XKR4: variants seen among roughly 807,000 people sequenced by gnomAD.
The protein encoded by XKR4 is XK related 4, also known as XK-related protein 4.
Under a neutral mutation model 53.9 loss-of-function variants are expected in XKR4, and 12 were observed. The ratio of observed to expected loss-of-function variants is 0.22; its 90% CI spans 0.14 to 0.36. XKR4 has a LOEUF of 0.36. XKR4 is among the 10% of genes least tolerant of loss of function. The probability of loss-of-function intolerance (pLI) is 1.00; values close to 1 mark genes in which losing one functional copy is unlikely to be tolerated. For synonymous variants in XKR4, 354 were observed against 362.4 expected (o/e 0.98, Z 0.26); for missense variants, 799 against 859.5 (o/e 0.93, Z 0.88).
intron 1 of XKR4, among the ~76,000 whole-genome samples, chr8:55,251,106 C>G (rs750644902): frequency 6.6e-6 from 1 of 152,110 alleles, no homozygotes; most frequent in Non-Finnish European, 1.5e-5. Flanking sequence ...TAGGCGTAGA[C>G]GTAAGTACAG....
At chr8:55,198,792 C>A (rs1693238305) in intron 1 of XKR4, among the ~76,000 whole-genome samples, 1 of 152,038 alleles carries the variant, frequency 6.6e-6, no homozygotes, top group African/African-American at 2.4e-5. Flanking sequence ...TGGGTGATAG[C>A]CAGAATCCTT....
At chr8:55,156,443 C>A (rs1031631568) in intron 1 of XKR4, among the ~76,000 whole-genome samples, 2 of 20,408 alleles carry the variant, frequency 9.8e-5, no homozygotes, top group East Asian at 1.4e-3. Flanking sequence ...GGAGGAAGGG[C>A]GGGGGTGGGG....
In XKR4 at chr8:55,130,426, G is replaced by T. The variant is rs1219366834; in HGVS notation, c.806+27132G>T. On this transcript the variant is annotated intron_variant, in intron 1 of 2. Coordinates refer to ENST00000327381, the MANE Select transcript of XKR4 (RefSeq NM_052898.2). ...CTGGTACAGTGACAAAAGCAAAGGG[G>T]CTGTGTGCCTGGAGCACAGGGAGCA... 3.3e-5 allele frequency among the ~76,000 whole-genome samples: 5 copies of T among 152,196 alleles called. No individual in the cohort carries two copies. The East Asian group carries it at 9.6e-4, about 29-fold the overall frequency.
At chr8:55,506,409 C>A (rs1418258482) in intron 2 of XKR4, among the ~76,000 whole-genome samples, 1 of 152,214 alleles carries the variant, frequency 6.6e-6, no homozygotes, top group Non-Finnish European at 1.5e-5. Context: ...ACACTATAGA[C>A]CTGTACTGCA....
chr8:55,293,393 G>GAT (rs1437251963), intron 1 of XKR4, among the ~76,000 whole-genome samples: 4 of 151,994 alleles, frequency 2.6e-5, no homozygotes, highest in Non-Finnish European at 5.9e-5. Context: ...TAAGAAGAAG[G>GAT]AACAAGTGCG....
At chr8:55,164,905 T>G (rs565776085) in intron 1 of XKR4, among the ~76,000 whole-genome samples, 18 of 152,328 alleles carry the variant, frequency 1.2e-4, no homozygotes, top group Admixed American at 3.3e-4. Context: ...GCTCATTTGC[T>G]GCCTCACCCT....
chr8:55,323,601 A>G (rs1433968112), intron 1 of XKR4, among the ~76,000 whole-genome samples: 1 of 152,216 alleles, frequency 6.6e-6, no homozygotes, highest in Non-Finnish European at 1.5e-5. Context: ...CAGTTAAAGG[A>G]CATTTGGGTT....
intron 2 of XKR4, among the ~76,000 whole-genome samples, chr8:55,364,039 G>T (rs189380243): frequency 1.3e-5 from 2 of 152,136 alleles, no homozygotes; most frequent in Non-Finnish European, 2.9e-5. Flanking sequence ...TTTTGTAGAA[G>T]GATCAATAAT....
chr8:55,244,692 G>A (rs1818258656), intron 1 of XKR4, among the ~76,000 whole-genome samples: 1 of 152,088 alleles, frequency 6.6e-6, no homozygotes. Flanking sequence ...CAGTGTATAA[G>A]CATTCCCTTT....
At chr8:55,423,346 C>T (rs1327833692) in intron 2 of XKR4, among the ~76,000 whole-genome samples, 7 of 152,106 alleles carry the variant, frequency 4.6e-5, no homozygotes, top group African/African-American at 1.4e-4. Flanking sequence ...CCACCTGCCT[C>T]GGCCTCCCAA....
rs979924235 is a variant in XKR4, at chr8:55,531,331, G to C, written c.*7104G>C. ...AACTGTAACACCATGGTAAGTACTTGTGTATTTAAATATAGAAAAGTTAAC... is the reference window on the plus strand; with the variant it reads ...AACTGTAACACCATGGTAAGTACTTCTGTATTTAAATATAGAAAAGTTAAC... On this transcript the variant is annotated 3_prime_UTR_variant, in exon 3 of 3. Coordinates refer to ENST00000327381, the MANE Select transcript of XKR4 (RefSeq NM_052898.2). 10 of 152,144 alleles carry C rather than the reference G, an allele frequency of 6.6e-5. No homozygotes were observed. Among genetic ancestry groups the C allele is most frequent in the Admixed American group, 2.6e-4 (4 of 15,282 alleles). 9.4% of individuals were successfully genotyped at this position (152,144 alleles called of 1,614,324 possible).
chr8:55,412,522 C>T (rs6982536), intron 2 of XKR4, among the ~76,000 whole-genome samples: 7,937 of 152,264 alleles, frequency 0.052, 455 homozygotes, highest in African/African-American at 0.14. Context: ...TTGCACCCGG[C>T]GCTGCGGTTT....
intron 1 of XKR4, among the ~76,000 whole-genome samples, chr8:55,145,698 A>C (rs925878119): frequency 3.3e-5 from 5 of 152,250 alleles, no homozygotes; most frequent in Admixed American, 6.5e-5. Flanking sequence ...AGATTTAAAT[A>C]GTCTGGATTT....
At chr8:55,109,714 T>C (rs1816207271) in intron 1 of XKR4, among the ~76,000 whole-genome samples, 1 of 152,212 alleles carries the variant, frequency 6.6e-6, no homozygotes, top group South Asian at 2.1e-4. Context: ...AATATTTTTA[T>C]ACTTATTACT....
intron 1 of XKR4, chr8:55,164,690 A>G (rs1817040415): frequency 3.3e-6 from 1 of 302,370 alleles, no homozygotes; most frequent in African/African-American, 2.2e-5. Context: ...AGAGAATAAG[A>G]TCAAGTCAAA....
chr8:55,412,367 A>T (rs1016232280), intron 2 of XKR4, among the ~76,000 whole-genome samples: 4 of 152,242 alleles, frequency 2.6e-5, no homozygotes, highest in African/African-American at 9.6e-5. Flanking sequence ...ATGCCAGTTC[A>T]TAGCTCTAAA....
chr8:55,266,685 G>A (rs1705251083), intron 1 of XKR4, among the ~76,000 whole-genome samples: 1 of 152,136 alleles, frequency 6.6e-6, no homozygotes, highest in African/African-American at 2.4e-5. Context: ...CGGCATGGCT[G>A]TGTTTTGCTG....
chr8:55,116,857 G>A (rs1180452773), intron 1 of XKR4, among the ~76,000 whole-genome samples: 2 of 152,022 alleles, frequency 1.3e-5, no homozygotes, highest in African/African-American at 4.8e-5. Flanking sequence ...CTTTCAGTAG[G>A]TGTGGTCACC....
chr8:55,226,485 C>A (rs1225066850), intron 1 of XKR4, among the ~76,000 whole-genome samples: 1 of 152,156 alleles, frequency 6.6e-6, no homozygotes, highest in East Asian at 1.9e-4. Flanking sequence ...CACTCAATGT[C>A]CAGGAGAATG....
Sources: allele counts gnomAD v4.1 joint callset (sites outside exome capture counted in the v4.1 genomes callset), GRCh38; gene constraint gnomAD v4.1.1; transcripts MANE v1.5; gene names NCBI Gene and HGNC (gene_info 2026-07-23, HGNC 2026-07-21).